The following DLG4 variants were observed in gnomAD, a reference collection of about 807,000 sequenced individuals.
DLG4 encodes disks large homolog 4.
In DLG4, 7 loss-of-function variants were observed where a neutral mutation model predicts 93.8. The observed-to-expected ratio is 0.07, with a 90% CI of 0.04 to 0.14. The LOEUF is 0.14. DLG4 is among the 10% of genes least tolerant of loss of function. DLG4 has a pLI of 1.00. For missense variants in DLG4, 545 were observed against 992.9 expected (o/e 0.55, Z 6.06); for synonymous variants, 341 against 387.6 (o/e 0.88, Z 1.41).
At position 7,191,094 on chromosome 17, in the gene DLG4, C is replaced by T. The variant is rs865855368; in HGVS notation, c.2068+173G>A. ...AAGCGATTCTCCTGCCTCGGCCTAC[C>T]GAGTAGCTGGGATTACAGGTGCCCG... On this transcript the variant is annotated intron_variant, in intron 19 of 19. Transcript: ENST00000399506. This position sits in a 1 kb window ranked among gnomAD's most constrained non-coding sequence, Gnocchi z 6.6. 4.6e-5 allele frequency among the ~76,000 whole-genome samples: 7 copies of T among 151,688 alleles called. No homozygotes were observed. The highest frequency in any genetic ancestry group is 3.9e-4 in the East Asian group (2 of 5,166).
upstream of DLG4, chr17:7,219,964 G>A (rs1042431830): frequency 5.7e-6 from 9 of 1,572,126 alleles, no homozygotes; most frequent in Non-Finnish European, 7.8e-6. Context: ...TCGAGCCAGC[G>A]GCGCCCGGAG....
chr17:7,210,606 C>CTGAG (rs1233288119), intron 1 of DLG4, among the ~76,000 whole-genome samples: 1 of 152,202 alleles, frequency 6.6e-6, no homozygotes, highest in Non-Finnish European at 1.5e-5. Context: ...AGTGCACAAG[C>CTGAG]TGAGGGGCAA....
chr17:7,213,880 G>A (rs368195735), intron 1 of DLG4: 1 of 470,964 alleles, frequency 2.1e-6, no homozygotes, highest in African/African-American at 2.0e-5. Flanking sequence ...TTTCATATCT[G>A]GTAGGAAGGC....
intron 1 of DLG4, among the ~76,000 whole-genome samples, chr17:7,211,394 G>A (rs1174138795): frequency 1.3e-5 from 2 of 151,708 alleles, no homozygotes; most frequent in Non-Finnish European, 2.9e-5. Flanking sequence ...AGTCGCTGTT[G>A]TTCCTTCCCC....
At chr17:7,216,088 T>A (rs2070900397) in intron 1 of DLG4, among the ~76,000 whole-genome samples, 1 of 151,400 alleles carries the variant, frequency 6.6e-6, no homozygotes, top group South Asian at 2.1e-4. Context: ...TCCCCATCGC[T>A]GCCAGCCCTG....
intron 8 of DLG4, among the ~76,000 whole-genome samples, chr17:7,199,755 G>A (rs11867639): frequency 0.54 from 81,856 of 151,130 alleles, 23,041 homozygotes; most frequent in Middle Eastern, 0.69. Context: ...GAGGTGGGGG[G>A]ATCATGAGGT....
intron 8 of DLG4, among the ~76,000 whole-genome samples, chr17:7,200,317 C>T (rs778305672): frequency 2.0e-5 from 3 of 152,150 alleles, no homozygotes; most frequent in Admixed American, 6.5e-5. Context: ...GTTTTTCCAT[C>T]CAGAGACACG....
chr17:7,207,949 A>AAC, intron 2 of DLG4: 12 of 868,712 alleles, frequency 1.4e-5, no homozygotes, highest in South Asian at 6.0e-5. Flanking sequence ...CAAGCCCCAA[A>AAC]CCCCCGCCCC....
At chr17:7,200,831 C>G (rs1310408675) in intron 8 of DLG4, among the ~76,000 whole-genome samples, 3 of 150,622 alleles carry the variant, frequency 2.0e-5, no homozygotes, top group Non-Finnish European at 2.9e-5. Flanking sequence ...CAGGCATGAG[C>G]CACCGGCGCG....
In DLG4 at chr17:7,187,250, T is replaced by G; in HGVS notation, c.*3458A>C. 8.4e-6 allele frequency among the ~76,000 whole-genome samples: 1 copy of G among 119,648 alleles called. No individual in the cohort carries two copies. Among genetic ancestry groups the G allele is most frequent in the Admixed American group, 9.2e-5 (1 of 10,890 alleles). 78.5% of individuals were successfully genotyped at this position (119,648 alleles called of 152,430 possible). On this transcript the variant is annotated 3_prime_UTR_variant, in exon 20 of 20. Coordinates refer to ENST00000399506, the MANE Select transcript of DLG4 (RefSeq NM_001321075.3). Reference sequence around the variant, plus strand: ...GTACTGATTATAATTTACAAAATAATGCATGCAGGCCAGGCGCGGTGGCTC... The same window carrying G: ...GTACTGATTATAATTTACAAAATAAGGCATGCAGGCCAGGCGCGGTGGCTC...
In DLG4 at chr17:7,193,385, C is replaced by T. The variant is rs186091230; in HGVS notation, c.1693+98G>A. ...AGAAACCCTGTATCTCCCTACACAC[C>T]GATCCCCCAGGAGGCTCTGCCTATG... On this transcript the variant is annotated intron_variant, in intron 16 of 19. Transcript: ENST00000399506. This position sits in a 1 kb window ranked among gnomAD's most constrained non-coding sequence, Gnocchi z 6.7. 1,988 of 1,227,408 alleles carry T rather than the reference C, an allele frequency of 1.6e-3. 16 individuals carry two copies. The African/African-American group carries it at 0.028, about 17-fold the overall frequency. 76.0% of individuals were successfully genotyped at this position (1,227,408 alleles called of 1,614,324 possible). A position where few individuals can be genotyped will look rare whatever the true frequency, so the allele number is the denominator to read the frequency against.
In DLG4 at chr17:7,194,027, G is replaced by A. The variant is rs1444507658; in HGVS notation, c.1479-27C>T. On this transcript the variant is annotated intron_variant, in intron 12 of 19. Transcript: ENST00000399506. The surrounding 1 kb of genome is among the most constrained non-coding windows in gnomAD (Gnocchi z 4.4). ...TGTGGGATACATGGAGGGATACGCG[G>A]GTAGGGGAATGCCTACCCCCTGCCA... is the stretch of plus-strand genomic sequence containing the variant. 6.2e-7 allele frequency: 1 copy of A among 1,611,778 alleles called. No individual in the cohort carries two copies. Among genetic ancestry groups the A allele is most frequent in the Admixed American group, 1.7e-5 (1 of 59,686 alleles).
chr17:7,189,290 G>C lies in DLG4; in HGVS notation c.*1418C>G, dbSNP rs1278349393. ...GTGGATAACAAGGTCAGGAGTTCAA[G>C]ACCAGCCTGACCAACATGGTGAAAC... is the stretch of plus-strand genomic sequence containing the variant. On this transcript the variant is annotated 3_prime_UTR_variant, in exon 20 of 20. Transcript: ENST00000399506. Among the ~76,000 whole-genome samples the C allele has an allele frequency of 7.2e-5, 11 of 151,752 alleles. No homozygotes were observed. Among genetic ancestry groups the C allele is most frequent in the Non-Finnish European group, 1.6e-4 (11 of 67,922 alleles).
At chr17:7,219,685 C>T, upstream of DLG4, 2 of 1,354,410 alleles carry the variant, frequency 1.5e-6, no homozygotes, top group Non-Finnish European at 1.9e-6. Flanking sequence ...TGACTTAAGC[C>T]CCTTCCTCTT....
chr17:7,207,908 C>A lies in DLG4; in HGVS notation c.96+266G>T, dbSNP rs1478931292. On this transcript the variant is annotated intron_variant, in intron 2 of 19. Coordinates refer to ENST00000399506, the MANE Select transcript of DLG4 (RefSeq NM_001321075.3). The stretch of plus-strand genomic sequence containing the variant: ...TGGGACCAAGGTGTTTCCAGCCCCA[C>A]AAACGCCCCCTCCCCCAGACCCCAG... Among the ~76,000 whole-genome samples the A allele has an allele frequency of 3.3e-5, 5 of 152,076 alleles. No individual in the cohort carries two copies. The East Asian group carries it at 9.6e-4, about 29-fold the overall frequency.
Position 7,193,652 on chromosome 17 carries a change from G to T in DLG4, c.1591+15C>A. 6.5e-7 allele frequency: 1 copy of T among 1,537,938 alleles called. No individual in the cohort carries two copies. The highest frequency in any genetic ancestry group is 8.7e-7 in the Non-Finnish European group (1 of 1,144,180). On this transcript the variant is annotated intron_variant, in intron 15 of 19. Coordinates refer to ENST00000399506, the MANE Select transcript of DLG4 (RefSeq NM_001321075.3). This position sits in a 1 kb window ranked among gnomAD's most constrained non-coding sequence, Gnocchi z 6.7. ...AGCAGCAAGTGCTGGGGCCAAGGCA[G>T]GGGCCAGGGCTCACCTTCCATCTGC...
chr17:7,217,721 C>T (rs1374847606), upstream of DLG4: 7 of 1,534,602 alleles, frequency 4.6e-6, no homozygotes, highest in Middle Eastern at 1.7e-4. Context: ...GGCAGGAACC[C>T]GGATAATGGG....
chr17:7,205,152 C>CCCTCA, intron 2 of DLG4: 5 of 985,496 alleles, frequency 5.1e-6, no homozygotes, highest in Non-Finnish European at 6.0e-6. Context: ...TCCCCTACGC[C>CCCTCA]CCTCACCCTA....
chr17:7,216,403 G>A (rs760520858), intron 1 of DLG4, among the ~76,000 whole-genome samples: 12 of 152,074 alleles, frequency 7.9e-5, no homozygotes, highest in South Asian at 4.1e-4. Flanking sequence ...TGGCAAGCTC[G>A]GCTGCTGCAA....
Sources: gnomAD v4.1 joint callset for allele counts (sites outside exome capture counted in the v4.1 genomes callset) on GRCh38, gnomAD v4.1.1 for gene constraint, Gnocchi (gnomAD v3.1) non-coding constraint, MANE v1.5 for transcripts, NCBI Gene and HGNC (gene_info 2026-07-23, HGNC 2026-07-21) for gene names.